NMT2: variants seen among roughly 807,000 people sequenced by gnomAD.
NMT2 encodes the protein N-myristoyltransferase 2.
Under a neutral mutation model 65.4 loss-of-function variants are expected in NMT2, and 35 were observed. That is an observed-to-expected ratio of 0.54 (90% confidence interval 0.41 to 0.71). NMT2 has a LOEUF of 0.71. Among genes scored for constraint, NMT2 ranks in the 30% least tolerant of loss-of-function variants. NMT2 has a pLI of 0.00. For missense variants in NMT2, 489 were observed against 611.3 expected (o/e 0.80, Z 2.11); for synonymous variants, 226 against 231.8 (o/e 0.98, Z 0.23).
rs766350096 is a variant in NMT2, at chr10:15,133,320, G to T, written c.435C>A (p.Asp145Glu). Residue 145 changes from aspartate to glutamate, a missense_variant, in exon 4 of 12, where the codon GAC becomes GAA. Physicochemically the swap from Asp to Glu is conservative, Grantham distance 45 (BLOSUM62 2). Transcript: ENST00000378165. ...TSHGAIEPDK[D>E]NVRQEPYSLP... The stretch of plus-strand genomic sequence containing the variant: ...AAGAATACGGTTCTTGGCGTACGTT[G>T]TCTTTATCTGGTTCAATTGCACCAT... 6.2e-7 allele frequency: 1 copy of T among 1,614,102 alleles called. No individual in the cohort carries two copies. The highest frequency in any genetic ancestry group is 8.5e-7 in the Non-Finnish European group (1 of 1,179,982).
chr10:15,145,933 A>G (rs1398951400), intron 1 of NMT2, among the ~76,000 whole-genome samples: 1 of 152,150 alleles, frequency 6.6e-6, no homozygotes, highest in Non-Finnish European at 1.5e-5. Flanking sequence ...GGGCTTCCAG[A>G]TACTGAAGGC....
chr10:15,114,944 G>A (rs1008433056), intron 9 of NMT2, among the ~76,000 whole-genome samples: 1 of 152,088 alleles, frequency 6.6e-6, no homozygotes, highest in Non-Finnish European at 1.5e-5. Flanking sequence ...GGAGGTTGCA[G>A]TGAGCAGAGA....
chr10:15,108,961 T>A lies in NMT2; in HGVS notation c.*234A>T. 7.7e-7 allele frequency: 1 copy of A among 1,293,678 alleles called. No individual in the cohort carries two copies. Among genetic ancestry groups the A allele is most frequent in the Non-Finnish European group, 9.8e-7 (1 of 1,023,336 alleles). The allele number at this position is 1,293,678 out of a possible 1,614,324, so 80.1% of individuals were successfully genotyped here. On this transcript the variant is annotated 3_prime_UTR_variant, in exon 12 of 12. Transcript: ENST00000378165. ...ATTTGAAAATTACAAGAATGTGCTC[T>A]TTGTAGCCTTTCATCCCTCCCACAA...
At chr10:15,149,141 C>G (rs1847059236) in intron 1 of NMT2, among the ~76,000 whole-genome samples, 1 of 151,216 alleles carries the variant, frequency 6.6e-6, no homozygotes, top group Admixed American at 6.6e-5. Context: ...TCGCCACTAC[C>G]ATTGATCGCC....
chr10:15,135,219 G>A, intron 3 of NMT2, 55 bp downstream of exon 3: 11 of 1,495,024 alleles, frequency 7.4e-6, no homozygotes, highest in Non-Finnish European at 1.0e-5. Context: ...TGTTGTTGTT[G>A]TTGTTCATCC....
intron 1 of NMT2, among the ~76,000 whole-genome samples, chr10:15,143,687 C>A (rs990974829): frequency 4.6e-5 from 7 of 152,122 alleles, no homozygotes; most frequent in African/African-American, 1.7e-4. Context: ...TATAGTGAGA[C>A]CCTGTCCCCA....
At chr10:15,149,424 T>C (rs1367854340) in intron 1 of NMT2, among the ~76,000 whole-genome samples, 1 of 24 alleles carries the variant, frequency 0.042, no homozygotes, top group African/African-American at 0.25. Context: ...GCCACCATCA[T>C]CACCATCACC....
At chr10:15,137,605 C>T (rs1485004634) in intron 2 of NMT2, among the ~76,000 whole-genome samples, 3 of 152,134 alleles carry the variant, frequency 2.0e-5, no homozygotes, top group Admixed American at 2.0e-4. Context: ...CATATTTCAA[C>T]TAATAATGCT....
chr10:15,137,717 CTTGAT>C (rs968831815), intron 2 of NMT2, among the ~76,000 whole-genome samples: 13 of 152,132 alleles, frequency 8.5e-5, no homozygotes, highest in African/African-American at 2.7e-4. Flanking sequence ...CTTTTTCTTT[CTTGAT>C]TTAATTTTTT....
intron 11 of NMT2, 116 bp downstream of exon 11, chr10:15,109,574 AAAATAAATAAAT>A: frequency 1.3e-6 from 1 of 792,028 alleles, no homozygotes; most frequent in Non-Finnish European, 1.8e-6. Flanking sequence ...TCATCTCAAA[AAAATAAATAAAT>A]AAATAAATAA....
At chr10:15,153,988 AG>A (rs1832901904) in intron 1 of NMT2, among the ~76,000 whole-genome samples, 1 of 152,162 alleles carries the variant, frequency 6.6e-6, no homozygotes, top group Non-Finnish European at 1.5e-5. Flanking sequence ...ATACAGGTTG[AG>A]CTGCGTGGGC....
intron 1 of NMT2, among the ~76,000 whole-genome samples, chr10:15,143,851 T>C (rs1480128599): frequency 6.6e-6 from 1 of 152,154 alleles, no homozygotes; most frequent in African/African-American, 2.4e-5. Context: ...TGAGACCCTG[T>C]CTCAAAAACA....
chr10:15,119,265 T>C (rs1463333235), intron 9 of NMT2, 78 bp downstream of exon 9: 1 of 1,206,656 alleles, frequency 8.3e-7, no homozygotes, highest in Non-Finnish European at 1.2e-6. Flanking sequence ...GAAGGAAGTG[T>C]GTGTAAATAA....
At chr10:15,130,057 GC>G (rs1292910339) in intron 7 of NMT2, 84 bp downstream of exon 7, 2 of 1,097,126 alleles carry the variant, frequency 1.8e-6, no homozygotes, top group African/African-American at 3.2e-5. Flanking sequence ...TCTGCTACCA[GC>G]AAAAACTACA....
intron 1 of NMT2, 112 bp downstream of exon 1, chr10:15,168,391 G>A (rs1156626872): frequency 1.4e-6 from 1 of 734,362 alleles, no homozygotes; most frequent in Non-Finnish European, 2.2e-6. Context: ...AAGCCATCGC[G>A]GGGCGGAGCG....
chr10:15,109,978 T>A (rs1452893542), intron 10 of NMT2, 139 bp from the exon 11 acceptor site: 3 of 670,470 alleles, frequency 4.5e-6, no homozygotes, highest in East Asian at 6.2e-5. Flanking sequence ...ATAGCATAGG[T>A]TAAGAATTCA....
intron 1 of NMT2, among the ~76,000 whole-genome samples, chr10:15,149,568 TCAC>T (rs1832729722): frequency 8.1e-6 from 1 of 123,674 alleles, no homozygotes; most frequent in African/African-American, 3.8e-5. Context: ...ACCAACATCA[TCAC>T]CACCATCATC....
intron 10 of NMT2, 25 bp downstream of exon 10, chr10:15,112,771 G>A (rs763826791): frequency 3.8e-6 from 6 of 1,589,454 alleles, no homozygotes; most frequent in Non-Finnish European, 5.1e-6. Flanking sequence ...GAACCAAACG[G>A]CGTGAACAGG....
chr10:15,144,663 G>A (rs529727942), intron 1 of NMT2, among the ~76,000 whole-genome samples: 8 of 152,234 alleles, frequency 5.3e-5, no homozygotes, highest in Non-Finnish European at 8.8e-5. Context: ...CCCGGGAAGC[G>A]GAGCTTGCAG....
Sources: allele counts gnomAD v4.1 joint callset (sites outside exome capture counted in the v4.1 genomes callset), GRCh38; gene constraint gnomAD v4.1.1; transcripts MANE v1.5; gene names NCBI Gene and HGNC (gene_info 2026-07-23, HGNC 2026-07-21).